DIPK2B: variants seen among roughly 807,000 people sequenced by gnomAD.
DIPK2B encodes the protein UPF0672 protein CXorf36.
Under a neutral mutation model 22.2 loss-of-function variants are expected in DIPK2B, and 15 were observed. The observed-to-expected ratio is 0.68, with a 90% CI of 0.45 to 1.04. The LOEUF (loss-of-function observed/expected upper bound fraction) is 1.04. Among genes scored for constraint, DIPK2B ranks in the 50% least tolerant of loss-of-function variants. The pLI is 0.00. For synonymous variants in DIPK2B, 163 were observed against 153.2 expected (o/e 1.06, Z -0.47); for missense variants, 345 against 348.3 (o/e 0.99, Z 0.08).
chrX:45,162,484 G>C, intron 2 of DIPK2B: 1 of 754,201 alleles, frequency 1.3e-6, no homozygotes, highest in Non-Finnish European at 1.6e-6. Context: ...CCCACTTACA[G>C]AGTGAGACCT....
chrX:45,200,531 G>T, intron 1 of DIPK2B, 63 bp downstream of exon 1: 1 of 1,015,291 alleles, frequency 9.8e-7, no homozygotes, highest in Non-Finnish European at 1.4e-6. Context: ...ACAAATTCCT[G>T]GACATCTTCA....
At chrX:45,158,813 G>C (rs752684982) in intron 2 of DIPK2B, among the ~76,000 whole-genome samples, 2 of 112,017 alleles carry the variant, frequency 1.8e-5, no homozygotes, top group South Asian at 7.4e-4. Flanking sequence ...TAAATTAATA[G>C]ATGTTAATTC....
intron 2 of DIPK2B, among the ~76,000 whole-genome samples, chrX:45,185,381 AT>A (rs1309322387): frequency 1.8e-5 from 2 of 111,383 alleles, no homozygotes; most frequent in Non-Finnish European, 3.8e-5. Flanking sequence ...AAGGGGCTTG[AT>A]TGGTAACATC....
In DIPK2B at chrX:45,200,739, A is replaced by G; in HGVS notation, c.88T>C (p.Phe30Leu). 8.3e-7 allele frequency: 1 copy of G among 1,212,002 alleles called. No homozygotes were observed. Among genetic ancestry groups the G allele is most frequent in the Non-Finnish European group, 1.1e-6 (1 of 895,416 alleles). The change falls in exon 1 of 5, where the codon TTC (phenylalanine) becomes CTC (leucine). Residue 30 changes from phenylalanine (F) to leucine (L), a missense_variant. Physicochemically the swap from Phe to Leu is conservative, Grantham distance 22. Coordinates refer to ENST00000398000, the MANE Select transcript of DIPK2B (RefSeq NM_176819.4). ...GAAAGGGAAGAAGCTGGCAAGGAGA[A>G]AGAACAGCTCAGGGCTGAGACCCAC... Reference protein sequence around the residue: ...LLWVSALSCSFSLPASSLSSL... With the variant: ...LLWVSALSCSLSLPASSLSSL...
intron 1 of DIPK2B, among the ~76,000 whole-genome samples, chrX:45,196,472 G>A (rs993586113): frequency 8.9e-6 from 1 of 111,824 alleles, no homozygotes; most frequent in Admixed American, 9.5e-5. Context: ...AGAGACAAGG[G>A]AGAAGGGAAG....
At chrX:45,200,115 C>T in intron 1 of DIPK2B, among the ~76,000 whole-genome samples, 1 of 111,472 alleles carries the variant, frequency 9.0e-6, no homozygotes, top group Non-Finnish European at 1.9e-5. Flanking sequence ...TTGTAAGATA[C>T]ATATATATAG....
chrX:45,182,262 A>T (rs1169380962), intron 2 of DIPK2B, among the ~76,000 whole-genome samples: 1 of 111,721 alleles, frequency 9.0e-6, no homozygotes, highest in Non-Finnish European at 1.9e-5. Flanking sequence ...TTTACCAAAG[A>T]TGAGATCAAA....
At chrX:45,189,062 G>GTTT (rs1172649129) in intron 2 of DIPK2B, among the ~76,000 whole-genome samples, 1 of 111,775 alleles carries the variant, frequency 8.9e-6, no homozygotes, top group Admixed American at 9.5e-5. Context: ...TCATATACAA[G>GTTT]TTTTTTTAAA....
At chrX:45,180,943 A>G (rs2047147341) in intron 2 of DIPK2B, among the ~76,000 whole-genome samples, 1 of 112,110 alleles carries the variant, frequency 8.9e-6, no homozygotes, top group Non-Finnish European at 1.9e-5. Flanking sequence ...TTATTGTATT[A>G]TACTCACCTG....
At position 45,191,702 on chromosome X, in the gene DIPK2B, CTT is replaced by C. The variant is rs1399735131; in HGVS notation, c.498+47_498+48del. The C allele has an allele frequency of 2.6e-6, 3 of 1,154,081 alleles. No individual in the cohort carries two copies. In the Admixed American group the frequency reaches 7.4e-5, roughly 28 times the overall value. ...GAGATGGGAATGAATCTCTCTCTCT[CTT>C]TCTCATCATCCCCTTCACACCCCCT... On this transcript the variant is annotated intron_variant, in intron 2 of 4. Transcript: ENST00000398000.
intron 1 of DIPK2B, among the ~76,000 whole-genome samples, chrX:45,194,050 A>G (rs2047225940): frequency 8.9e-6 from 1 of 112,079 alleles, no homozygotes; most frequent in Non-Finnish European, 1.9e-5. Context: ...AACACTTTAT[A>G]TGTACAGATT....
chrX:45,172,406 T>C (rs1272719817), intron 2 of DIPK2B, among the ~76,000 whole-genome samples: 5 of 111,864 alleles, frequency 4.5e-5, no homozygotes, highest in African/African-American at 1.6e-4. Flanking sequence ...TGCCTACCTG[T>C]GCCCCTTGCT....
At chrX:45,163,547 A>G (rs1284277972) in intron 2 of DIPK2B, 1 of 754,404 alleles carries the variant, frequency 1.3e-6, no homozygotes, top group East Asian at 1.5e-4. Context: ...CATACCCCCG[A>G]GTGTTTGCTC....
At chrX:45,180,937 T>C (rs1603110990) in intron 2 of DIPK2B, among the ~76,000 whole-genome samples, 1 of 112,128 alleles carries the variant, frequency 8.9e-6, no homozygotes. Flanking sequence ...AATGTCTTAT[T>C]GTATTATACT....
chrX:45,186,790 G>A (rs1386730919), intron 2 of DIPK2B, among the ~76,000 whole-genome samples: 1 of 111,721 alleles, frequency 9.0e-6, no homozygotes, highest in Non-Finnish European at 1.9e-5. Flanking sequence ...CCCTCACTGG[G>A]GTGTCATCTC....
intron 2 of DIPK2B, among the ~76,000 whole-genome samples, chrX:45,187,118 G>C (rs889070936): frequency 8.9e-6 from 1 of 112,001 alleles, no homozygotes; most frequent in African/African-American, 3.2e-5. Flanking sequence ...CGGCCATCTA[G>C]TGTATTCCCG....
chrX:45,199,467 C>T (rs2047256171), intron 1 of DIPK2B, among the ~76,000 whole-genome samples: 1 of 111,082 alleles, frequency 9.0e-6, no homozygotes, highest in South Asian at 3.8e-4. Context: ...CCCCCTGCCC[C>T]ATATATCCCT....
intron 3 of DIPK2B, 81 bp downstream of exon 3, chrX:45,157,634 G>A: frequency 1.0e-6 from 1 of 995,621 alleles, no homozygotes; most frequent in Non-Finnish European, 1.4e-6. Flanking sequence ...AGTAAAAGGA[G>A]GGAGAGAGCT....
intron 3 of DIPK2B, among the ~76,000 whole-genome samples, chrX:45,156,126 C>T (rs2046993629): frequency 9.2e-6 from 1 of 108,141 alleles, no homozygotes; most frequent in South Asian, 4.1e-4. Context: ...CCCACTGTGC[C>T]TGGCTATTTT....
Sources: allele counts gnomAD v4.1 joint callset (sites outside exome capture counted in the v4.1 genomes callset), GRCh38; gene constraint gnomAD v4.1.1; transcripts MANE v1.5; gene names NCBI Gene and HGNC (gene_info 2026-07-23, HGNC 2026-07-21).